IHO1: variants seen among roughly 807,000 people sequenced by gnomAD.
IHO1 encodes the protein interactor of HORMAD1 1, also known as interactor of HORMAD1 protein 1.
Under a neutral mutation model 31.0 loss-of-function variants are expected in IHO1, and 13 were observed. That is an observed-to-expected ratio of 0.42 (90% CI 0.27 to 0.67). The LOEUF is 0.67. Ranked by LOEUF, IHO1 falls within the 30% of genes least tolerant of loss-of-function variation. The pLI, the probability that IHO1 is intolerant of heterozygous loss-of-function variation, is 0.24. For missense variants in IHO1, 599 were observed against 687.5 expected, an observed-to-expected ratio of 0.87 and a Z score of 1.44; for synonymous variants, 221 against 248.4, an observed-to-expected ratio of 0.89 and a Z score of 1.04.
chr3:49,250,783 G>A (rs1157060254), intron 6 of IHO1, among the ~76,000 whole-genome samples: 1 of 152,150 alleles, frequency 6.6e-6, no homozygotes, highest in Non-Finnish European at 1.5e-5. Context: ...TGTAATCCCA[G>A]CACTTTGGGA....
At chr3:49,245,413 C>G (rs918009461) in intron 6 of IHO1, 1 of 152,324 alleles carries the variant, frequency 6.6e-6, no homozygotes, top group African/African-American at 2.4e-5. Flanking sequence ...GTCTCCATCT[C>G]CTGACCTCGT....
chr3:49,195,563 A>C (rs1186425713), upstream of IHO1, among the ~76,000 whole-genome samples: 1 of 151,336 alleles, frequency 6.6e-6, no homozygotes, highest in Non-Finnish European at 1.5e-5. Flanking sequence ...TTGACAAAAA[A>C]ATTAGCTGGG....
chr3:49,225,425 C>T (rs977201304), intron 2 of IHO1, among the ~76,000 whole-genome samples: 2 of 151,696 alleles, frequency 1.3e-5, no homozygotes, highest in Non-Finnish European at 2.9e-5. Flanking sequence ...ATTGCGCCAT[C>T]GCATCCCAGC....
In IHO1 at chr3:49,214,629, TA is replaced by T. The variant is rs1457270963; in HGVS notation, c.56+2794del. On this transcript the variant is annotated intron_variant, in intron 2 of 7. Transcript: ENST00000452691. ...GATCATATATATATATATATATATATATATTTTTTTTTTTTTTTTTTTTTTT... is the reference window on the plus strand; with the variant it reads ...GATCATATATATATATATATATATATTATTTTTTTTTTTTTTTTTTTTTTT... 3.3e-3 allele frequency among the ~76,000 whole-genome samples: 164 copies of T among 49,050 alleles called. 2 individuals are homozygous for T. Among genetic ancestry groups the T allele is most frequent in the Middle Eastern group, 0.01 (1 of 100 alleles). The allele number at this position is 49,050 out of a possible 152,430, so 32.2% of individuals were successfully genotyped here.
At chr3:49,248,747 A>G (rs1031324212) in intron 6 of IHO1, among the ~76,000 whole-genome samples, 1 of 152,150 alleles carries the variant, frequency 6.6e-6, no homozygotes, top group African/African-American at 2.4e-5. Flanking sequence ...AAAGAAAGAA[A>G]AAAGACTCAG....
In IHO1 at chr3:49,211,767, T is replaced by C. The variant is rs1351093352; in HGVS notation, c.-14T>C. On this transcript the variant is annotated splice_region_variant and 5_prime_UTR_variant, in exon 2 of 8. Transcript: ENST00000452691. ...ATATTCACCTATTCTTTCTAATAGG[T>C]ATAACTATAAGAAATGAATTTTAAT... 2.2e-6 allele frequency: 3 copies of C among 1,387,126 alleles called. No homozygotes were observed. The South Asian group carries it at 3.5e-5, about 16-fold the overall frequency. The allele number at this position is 1,387,126 out of a possible 1,614,324, so 85.9% of individuals were successfully genotyped here.
intron 1 of IHO1, among the ~76,000 whole-genome samples, chr3:49,204,329 C>T (rs976902256): frequency 2.6e-5 from 4 of 152,142 alleles, no homozygotes; most frequent in Non-Finnish European, 5.9e-5. Flanking sequence ...GCCAGTTTTT[C>T]ATATATACTA....
chr3:49,220,803 G>A (rs1341628120), intron 2 of IHO1, among the ~76,000 whole-genome samples: 1 of 152,218 alleles, frequency 6.6e-6, no homozygotes, highest in Non-Finnish European at 1.5e-5. Context: ...GGGAGGCAGA[G>A]CTTGCAGTGA....
intron 3 of IHO1, among the ~76,000 whole-genome samples, chr3:49,237,016 AC>A (rs2046567397): frequency 6.6e-6 from 1 of 151,254 alleles, no homozygotes; most frequent in Non-Finnish European, 1.5e-5. Flanking sequence ...CTGCCAGTGT[AC>A]TCCAGCCTGG....
At chr3:49,194,240 T>G (rs2045983870), upstream of IHO1, among the ~76,000 whole-genome samples, 1 of 139,602 alleles carries the variant, frequency 7.2e-6, no homozygotes, top group Non-Finnish European at 1.5e-5. Flanking sequence ...TACACTCCAG[T>G]CTAGGCAATG....
chr3:49,223,645 C>T (rs1249371780), intron 2 of IHO1, among the ~76,000 whole-genome samples: 1 of 151,714 alleles, frequency 6.6e-6, no homozygotes, highest in Non-Finnish European at 1.5e-5. Context: ...GAGCCGAGAT[C>T]ACGCCACTGC....
At chr3:49,201,440 T>C (rs574194332) in intron 1 of IHO1, among the ~76,000 whole-genome samples, 3 of 152,092 alleles carry the variant, frequency 2.0e-5, no homozygotes, top group African/African-American at 7.2e-5. Context: ...CTGGCCAACA[T>C]GGTGAAACCC....
intron 6 of IHO1, among the ~76,000 whole-genome samples, chr3:49,248,597 C>G (rs2046724519): frequency 6.6e-6 from 1 of 151,842 alleles, no homozygotes; most frequent in South Asian, 2.1e-4. Flanking sequence ...GCCAGGCGTG[C>G]TGGTGCAGGC....
the IHO1 span, chr3:49,191,817 T>C: frequency 6.5e-7 from 1 of 1,531,156 alleles, no homozygotes; most frequent in South Asian, 1.2e-5. Context: ...TCTTGTCTTT[T>C]GGAGGGTATC....
intron 6 of IHO1, among the ~76,000 whole-genome samples, chr3:49,246,032 A>G (rs1320892660): frequency 6.6e-6 from 1 of 151,806 alleles, no homozygotes; most frequent in East Asian, 1.9e-4. Flanking sequence ...AAATACAAAA[A>G]TTAGCTGGGT....
At chr3:49,220,780 A>G (rs997372679) in intron 2 of IHO1, among the ~76,000 whole-genome samples, 3 of 152,204 alleles carry the variant, frequency 2.0e-5, no homozygotes, top group African/African-American at 7.2e-5. Context: ...AGGCAGGAGA[A>G]TGGCATGAAC....
At chr3:49,250,647 A>C (rs181191971) in intron 6 of IHO1, among the ~76,000 whole-genome samples, 3 of 152,350 alleles carry the variant, frequency 2.0e-5, no homozygotes, top group South Asian at 2.1e-4. Flanking sequence ...GCAGGAATCC[A>C]ATACCTAAGT....
intron 1 of IHO1, among the ~76,000 whole-genome samples, chr3:49,210,994 C>A (rs993795247): frequency 6.7e-6 from 1 of 148,996 alleles, no homozygotes; most frequent in Non-Finnish European, 1.5e-5. Flanking sequence ...CTGCTCCTGG[C>A]CTCTCCATTT....
intron 2 of IHO1, among the ~76,000 whole-genome samples, chr3:49,228,522 C>T (rs1400227487): frequency 6.6e-6 from 1 of 152,166 alleles, no homozygotes; most frequent in Non-Finnish European, 1.5e-5. Flanking sequence ...GTGAAGGCCC[C>T]ACATTGGGCG....
Sources: gnomAD v4.1 joint callset for allele counts (sites outside exome capture counted in the v4.1 genomes callset) on GRCh38, gnomAD v4.1.1 for gene constraint, MANE v1.5 for transcripts, NCBI Gene and HGNC (gene_info 2026-07-23, HGNC 2026-07-21) for gene names.